PACRG: variants seen among roughly 807,000 people sequenced by gnomAD.
PACRG encodes parkin coregulated.
Under a neutral mutation model 29.7 loss-of-function variants are expected in PACRG, and 29 were observed. The observed-to-expected ratio is 0.98, with a 90% confidence interval of 0.73 to 1.33. PACRG has a LOEUF of 1.33. Ranked by LOEUF, PACRG falls within the 40% of genes most tolerant of loss-of-function variation. PACRG has a pLI of 0.00. For missense variants in PACRG, 279 were observed against 316.2 expected, an observed-to-expected ratio of 0.88 and a Z score of 0.89; for synonymous variants, 116 against 118.7, an observed-to-expected ratio of 0.98 and a Z score of 0.15.
chr6:163,314,180 G>T (rs1785553629), intron 4 of PACRG, among the ~76,000 whole-genome samples: 1 of 152,104 alleles, frequency 6.6e-6, no homozygotes, highest in Admixed American at 6.5e-5. Flanking sequence ...TCCAAAACTA[G>T]CAGTGGCACA....
intron 4 of PACRG, chr6:163,170,392 A>G (rs1000647996): frequency 6.6e-5 from 10 of 152,182 alleles, no homozygotes; most frequent in Non-Finnish European, 1.0e-4. Flanking sequence ...GCATTAAACT[A>G]TAGGGACTCA....
intron 4 of PACRG, among the ~76,000 whole-genome samples, chr6:163,091,544 G>C (rs993888263): frequency 6.6e-6 from 1 of 152,100 alleles, no homozygotes; most frequent in Non-Finnish European, 1.5e-5. Context: ...ACATTTTTCT[G>C]ACATTTGTAG....
At chr6:162,862,935 C>A (rs1391275753) in intron 2 of PACRG, among the ~76,000 whole-genome samples, 1 of 152,192 alleles carries the variant, frequency 6.6e-6, no homozygotes, top group Non-Finnish European at 1.5e-5. Context: ...AATTTGAAAT[C>A]ATTTAATCTT....
At chr6:163,090,040 A>G (rs934174622) in intron 4 of PACRG, among the ~76,000 whole-genome samples, 3 of 151,890 alleles carry the variant, frequency 2.0e-5, no homozygotes, top group African/African-American at 7.3e-5. Flanking sequence ...TTTGTTGTTA[A>G]TTTTGAAGTT....
chr6:163,052,858 T>C (rs1356947286), intron 2 of PACRG, among the ~76,000 whole-genome samples: 1 of 152,136 alleles, frequency 6.6e-6, no homozygotes. Flanking sequence ...CCAAAGGTCA[T>C]TGTAAGATTT....
At chr6:162,784,787 C>G (rs1784335304) in intron 1 of PACRG, among the ~76,000 whole-genome samples, 1 of 152,160 alleles carries the variant, frequency 6.6e-6, no homozygotes, top group Admixed American at 6.5e-5. Flanking sequence ...TAGAGCAATA[C>G]TTGAAAAGGC....
chr6:163,234,147 C>G (rs1402083735), intron 4 of PACRG, among the ~76,000 whole-genome samples: 2 of 152,034 alleles, frequency 1.3e-5, no homozygotes, highest in South Asian at 4.2e-4. Context: ...TGAGTCTCAC[C>G]CTCTGCTATA....
At chr6:163,136,198 C>T (rs1044738654) in intron 4 of PACRG, among the ~76,000 whole-genome samples, 15 of 152,304 alleles carry the variant, frequency 9.8e-5, no homozygotes, top group Non-Finnish European at 1.9e-4. Flanking sequence ...GTGTCATTGT[C>T]CCAATCTCAA....
chr6:163,088,853 A>G (rs1813834889), intron 3 of PACRG, among the ~76,000 whole-genome samples: 2 of 152,162 alleles, frequency 1.3e-5, no homozygotes. Context: ...TAATGGTTTT[A>G]AGAATTGTAT....
rs530116607 is a variant in PACRG, at chr6:163,127,959, T to G, written c.613+38551T>G. On this transcript the variant is annotated intron_variant, in intron 4 of 4. Coordinates refer to ENST00000366888, the MANE Select transcript of PACRG (RefSeq NM_001080379.2). ...ATCTCATAACATGAACTTTAGAATA[T>G]GTACTATGTATTTTTAAAGGTATTT... Among the ~76,000 whole-genome samples, 36 of 152,376 alleles carry G rather than the reference T, an allele frequency of 2.4e-4. 1 individual carries two copies. Among genetic ancestry groups the G allele is most frequent in the African/African-American group, 8.7e-4 (36 of 41,588 alleles).
intron 2 of PACRG, among the ~76,000 whole-genome samples, chr6:162,872,009 G>C (rs1292216320): frequency 6.6e-6 from 1 of 152,034 alleles, no homozygotes; most frequent in East Asian, 1.9e-4. Flanking sequence ...AACACTGTAA[G>C]ATATGTTTTA....
At chr6:162,903,599 A>G (rs1288950817) in intron 2 of PACRG, among the ~76,000 whole-genome samples, 1 of 152,174 alleles carries the variant, frequency 6.6e-6, no homozygotes, top group African/African-American at 2.4e-5. Context: ...CCACAAGAAC[A>G]GTATGGGGGA....
Position 163,055,413 on chromosome 6 carries a change from C to T in PACRG, c.292-6737C>T, listed in dbSNP as rs754107577. Among the ~76,000 whole-genome samples, 15 of 152,008 alleles carry T rather than the reference C, an allele frequency of 9.9e-5. No homozygotes were observed. The highest frequency in any genetic ancestry group is 2.1e-4 in the South Asian group (1 of 4,812). ...ACATATATACACACGTGCACACACA[C>T]GCAAACAAGCGCCTGAGGATAAACG... On this transcript the variant is annotated intron_variant, in intron 2 of 4. Transcript: ENST00000366888. This position sits in a 1 kb window ranked among gnomAD's most constrained non-coding sequence, Gnocchi z 4.0.
At chr6:163,103,965 C>T (rs1238861780) in intron 4 of PACRG, among the ~76,000 whole-genome samples, 1 of 152,188 alleles carries the variant, frequency 6.6e-6, no homozygotes, top group East Asian at 1.9e-4. Context: ...GGCAGGTACT[C>T]TGGAAGTGTA....
intron 4 of PACRG, among the ~76,000 whole-genome samples, chr6:163,312,057 A>G (rs1453682666): frequency 6.6e-6 from 1 of 152,220 alleles, no homozygotes; most frequent in African/African-American, 2.4e-5. Flanking sequence ...GAACTTGATC[A>G]CAGCAGCCAC....
intron 2 of PACRG, among the ~76,000 whole-genome samples, chr6:162,826,305 A>G (rs1788271124): frequency 6.6e-6 from 1 of 152,188 alleles, no homozygotes; most frequent in African/African-American, 2.4e-5. Flanking sequence ...GAAAAATCAC[A>G]AGGAAAAGAC....
intron 1 of PACRG, among the ~76,000 whole-genome samples, chr6:162,797,590 G>A (rs1336160898): frequency 6.6e-6 from 1 of 152,108 alleles, no homozygotes; most frequent in Non-Finnish European, 1.5e-5. Flanking sequence ...AATTTCTTCA[G>A]CAATAAATAA....
intron 4 of PACRG, among the ~76,000 whole-genome samples, chr6:163,281,717 C>T (rs970698): frequency 0.011 from 1,700 of 151,946 alleles, 33 homozygotes; most frequent in African/African-American, 0.039. Context: ...AATTCAGAAT[C>T]CATAGAGTAA....
chr6:162,867,690 T>C (rs1446377681), intron 2 of PACRG, among the ~76,000 whole-genome samples: 2 of 152,228 alleles, frequency 1.3e-5, no homozygotes, highest in South Asian at 4.1e-4. Flanking sequence ...AATGAGATTT[T>C]AAAATATTTT....
Sources: allele counts gnomAD v4.1 joint callset (sites outside exome capture counted in the v4.1 genomes callset), GRCh38; gene constraint gnomAD v4.1.1; non-coding constraint Gnocchi (gnomAD v3.1); transcripts MANE v1.5; gene names NCBI Gene and HGNC (gene_info 2026-07-23, HGNC 2026-07-21).